The following ST18 variants were observed in gnomAD, a reference collection of about 807,000 sequenced individuals.
ST18 encodes suppression of tumorigenicity 18 protein.
A neutral mutation model predicts 110.0 loss-of-function variants in ST18; 50 were observed. The ratio of observed to expected loss-of-function variants is 0.45; its 90% CI spans 0.36 to 0.58. ST18 has a LOEUF of 0.58. ST18 is among the 20% of genes least tolerant of loss of function. ST18 has a pLI of 0.00. For missense variants in ST18, 1,306 were observed against 1,280.1 expected (o/e 1.02, Z -0.31); for synonymous variants, 461 against 452.4 (o/e 1.02, Z -0.24).
At chr8:52,128,387 G>GA (rs1221062588) in intron 22 of ST18, among the ~76,000 whole-genome samples, 2 of 152,154 alleles carry the variant, frequency 1.3e-5, no homozygotes, top group Non-Finnish European at 2.9e-5. Flanking sequence ...AAATCACAAA[G>GA]ATATGGCATA....
chr8:52,341,398 G>C (rs1814949586), intron 2 of ST18, among the ~76,000 whole-genome samples: 1 of 152,184 alleles, frequency 6.6e-6, no homozygotes, highest in African/African-American at 2.4e-5. Context: ...AAGACTTGGA[G>C]ACCTTTTCTG....
intron 2 of ST18, among the ~76,000 whole-genome samples, chr8:52,301,353 TAAAG>T (rs149424668): frequency 0.017 from 2,564 of 152,302 alleles, 61 homozygotes; most frequent in African/African-American, 0.059. Flanking sequence ...GCCATATAGT[TAAAG>T]AATGATGTGC....
chr8:52,180,424 T>C, intron 8 of ST18, 112 bp from the exon 9 acceptor site: 1 of 1,173,642 alleles, frequency 8.5e-7, no homozygotes. Flanking sequence ...GACTAGAGGT[T>C]TAGGGTTGGT....
intron 2 of ST18, chr8:52,249,388 A>C (rs1168719720): frequency 6.6e-6 from 1 of 152,368 alleles, no homozygotes; most frequent in Non-Finnish European, 1.5e-5. Flanking sequence ...TCTGCCTCTC[A>C]CGCTGACATC....
At position 52,173,405 on chromosome 8, in the gene ST18, G is replaced by A. The variant is rs540366630; in HGVS notation, c.278-822C>T. Among the ~76,000 whole-genome samples, 188 of 152,318 alleles carry A rather than the reference G, an allele frequency of 1.2e-3. 1 individual carries two copies. Among genetic ancestry groups the A allele is most frequent in the Admixed American group, 3.4e-3 (52 of 15,304 alleles). ...TGGGTCCTGAACGTGAAGGCACCCC[G>A]TGAGGAGCCCCCAGTGCCTGTCTGT... On this transcript the variant is annotated intron_variant, in intron 9 of 25. Coordinates refer to ENST00000689386, the MANE Select transcript of ST18 (RefSeq NM_001352837.2).
intron 2 of ST18, among the ~76,000 whole-genome samples, chr8:52,292,825 G>A (rs1398194330): frequency 1.3e-5 from 2 of 152,206 alleles, no homozygotes; most frequent in Non-Finnish European, 2.9e-5. Context: ...TGAGACACTA[G>A]TGTTTAGAAA....
At chr8:52,362,400 T>C (rs2140460356) in intron 2 of ST18, among the ~76,000 whole-genome samples, 1 of 152,352 alleles carries the variant, frequency 6.6e-6, no homozygotes, top group Admixed American at 6.5e-5. Flanking sequence ...TAGCCGTGGC[T>C]GCCAGGCTCC....
rs1380450716 is a variant in ST18 at position 52,111,320 on chromosome 8, G to A, written c.*1878C>T. ...TCTATGAAGTACTGTATAGCAAAAT[G>A]TTTGCAAGTACACAACTGTAATAGA... On this transcript the variant is annotated 3_prime_UTR_variant, in exon 26 of 26. Transcript: ENST00000689386. 4.4e-6 allele frequency: 1 copy of A among 227,730 alleles called. No homozygotes were observed. The highest frequency in any genetic ancestry group is 8.5e-6 in the Non-Finnish European group (1 of 117,822). 14.1% of individuals were successfully genotyped at this position (227,730 alleles called of 1,614,324 possible).
In ST18 at chr8:52,163,992, G is replaced by A; in HGVS notation, c.1394C>T (p.Ala465Val). 9.3e-6 allele frequency: 15 copies of A among 1,612,848 alleles called. No individual in the cohort carries two copies. The highest frequency in any genetic ancestry group is 1.3e-5 in the Non-Finnish European group (15 of 1,178,948). Residue 465 changes from alanine to valine, a missense_variant, in exon 13 of 26, where the codon GCC (alanine) becomes GTC (valine). Transcript: ENST00000689386. ...CATCGTTAGGGGTTCATACCTGTGG[G>A]CCTGGTCAGGACACTGCCCAGTTTG... is the stretch of plus-strand genomic sequence containing the variant. ...SPQTGQCPDQ[A>V]HRTSLVKQIE... is the part of the protein sequence containing the mutation.
chr8:52,261,001 G>A (rs1275712166), intron 2 of ST18, among the ~76,000 whole-genome samples: 1 of 152,126 alleles, frequency 6.6e-6, no homozygotes, highest in Non-Finnish European at 1.5e-5. Context: ...AAAAAGAAAA[G>A]ACAGAGCAAA....
chr8:52,136,529 C>G (rs558519508), intron 19 of ST18, 61 bp downstream of exon 19: 33 of 1,514,242 alleles, frequency 2.2e-5, no homozygotes, highest in Admixed American at 7.7e-5. Flanking sequence ...TGAATGGGCA[C>G]TGAACGAGAG....
rs372048268 is a variant in ST18 at position 52,373,321 on chromosome 8, A to G, written c.-465+36007T>C. Among the ~76,000 whole-genome samples the G allele has an allele frequency of 1.8e-4, 27 of 152,106 alleles. 2 individuals are homozygous for G. The East Asian group carries it at 4.3e-3, about 24-fold the overall frequency. On this transcript the variant is annotated intron_variant, in intron 2 of 25. Transcript: ENST00000689386. ...TGATATCACATACCACCTCCAACTT[A>G]TGGTTACTTATGAACTCCCAGTCAT...
At chr8:52,116,531 T>G (rs1013932083) in intron 24 of ST18, 113 bp from the exon 25 acceptor site, 15 of 1,039,212 alleles carry the variant, frequency 1.4e-5, no homozygotes, top group Non-Finnish European at 1.7e-5. Context: ...GATGCAGAGA[T>G]GCATGCGTGT....
At chr8:52,344,681 A>G (rs923189464) in intron 2 of ST18, among the ~76,000 whole-genome samples, 8 of 152,344 alleles carry the variant, frequency 5.3e-5, no homozygotes, top group Middle Eastern at 3.4e-3. Context: ...GATTACAGGC[A>G]TGAGCCACCG....
At chr8:52,282,877 G>A (rs1229723572) in intron 2 of ST18, among the ~76,000 whole-genome samples, 1 of 152,082 alleles carries the variant, frequency 6.6e-6, no homozygotes, top group Non-Finnish European at 1.5e-5. Context: ...GTAAGGAATT[G>A]GCTTTCTCAC....
At chr8:52,196,639 G>A (rs931948482) in intron 8 of ST18, among the ~76,000 whole-genome samples, 1 of 152,080 alleles carries the variant, frequency 6.6e-6, no homozygotes, top group African/African-American at 2.4e-5. Flanking sequence ...TTTTATAACT[G>A]TTCTATTTTA....
chr8:52,223,414 C>T (rs927157163), intron 3 of ST18, among the ~76,000 whole-genome samples: 8 of 152,088 alleles, frequency 5.3e-5, no homozygotes, highest in Non-Finnish European at 8.8e-5. Context: ...GAGGCCGAGG[C>T]GGGTGGATCA....
chr8:52,157,626 T>C (rs1158131340), intron 15 of ST18, among the ~76,000 whole-genome samples: 7 of 152,262 alleles, frequency 4.6e-5, no homozygotes, highest in East Asian at 1.9e-4. Flanking sequence ...GGTATACATA[T>C]GCATGTATTT....
chr8:52,210,658 A>G (rs1232107575), intron 8 of ST18, among the ~76,000 whole-genome samples: 1 of 152,142 alleles, frequency 6.6e-6, no homozygotes, highest in African/African-American at 2.4e-5. Flanking sequence ...ACCCTTTTTG[A>G]GACCATGTCT....
Sources: gnomAD v4.1 joint callset for allele counts (sites outside exome capture counted in the v4.1 genomes callset) on GRCh38, gnomAD v4.1.1 for gene constraint, MANE v1.5 for transcripts, NCBI Gene and HGNC (gene_info 2026-07-23, HGNC 2026-07-21) for gene names.